ACVR1B: variants seen among roughly 807,000 people sequenced by gnomAD.
ACVR1B encodes the protein activin receptor type-1B.
A neutral mutation model predicts 55.6 loss-of-function variants in ACVR1B; 15 were observed. That is an observed-to-expected ratio of 0.27 (90% CI 0.18 to 0.42). The LOEUF (loss-of-function observed/expected upper bound fraction) is 0.42. Ranked by LOEUF, ACVR1B falls within the 10% of genes least tolerant of loss-of-function variation. The pLI is 1.00. For synonymous variants in ACVR1B, 247 were observed against 254.6 expected, an observed-to-expected ratio of 0.97 and a Z score of 0.28; for missense variants, 359 against 670.1, an observed-to-expected ratio of 0.54 and a Z score of 5.13.
At chr12:51,982,543 G>T in intron 4 of ACVR1B, 1 of 878,546 alleles carries the variant, frequency 1.1e-6, no homozygotes, top group Non-Finnish European at 1.6e-6. Flanking sequence ...CAGAGAGGAT[G>T]CTGTGAGTGG....
intron 3 of ACVR1B, among the ~76,000 whole-genome samples, chr12:51,979,958 C>T (rs904903147): frequency 6.6e-5 from 10 of 151,932 alleles, no homozygotes; most frequent in Non-Finnish European, 1.2e-4. Flanking sequence ...GATGGAGAGG[C>T]GGGGGCTAAT....
In ACVR1B at chr12:51,994,090, C is replaced by CT. The variant is rs1942251335; in HGVS notation, c.1498_1499insT (p.Gln500LeufsTer81). 6.2e-7 allele frequency: 1 copy of CT among 1,613,762 alleles called. No individual in the cohort carries two copies. ...GAAGACCCTCTCCCAGCTCAGCGTG[C>CT]AGGAAGACGTGAAGATCTAACTGCT... is the stretch of plus-strand genomic sequence containing the variant. On this transcript the variant is annotated frameshift_variant, in exon 9 of 9. Coordinates refer to ENST00000257963, the MANE Select transcript of ACVR1B (RefSeq NM_004302.5). LOFTEE classifies it high-confidence loss of function. This position sits in a 1 kb window ranked among gnomAD's most constrained non-coding sequence, Gnocchi z 4.2.
intron 1 of ACVR1B, among the ~76,000 whole-genome samples, 166 bp downstream of exon 1, chr12:51,952,000 C>G (rs1414020403): frequency 6.6e-6 from 1 of 151,922 alleles, no homozygotes; most frequent in Non-Finnish European, 1.5e-5. Flanking sequence ...CTTCCCCGAT[C>G]TCCGAGGCGC....
intron 1 of ACVR1B, among the ~76,000 whole-genome samples, chr12:51,972,049 T>C (rs1200794082): frequency 1.3e-5 from 2 of 152,182 alleles, no homozygotes; most frequent in African/African-American, 2.4e-5. Context: ...TTGTTTTGTT[T>C]TTAGGTTTTA....
chr12:51,994,157 C>T lies in ACVR1B; in HGVS notation c.*47C>T. 2 of 1,604,440 alleles carry T rather than the reference C, an allele frequency of 1.2e-6. No homozygotes were observed. Among genetic ancestry groups the T allele is most frequent in the Non-Finnish European group, 1.7e-6 (2 of 1,178,118 alleles). The stretch of plus-strand genomic sequence containing the variant: ...AGCTCCTGGCAGCGAGAACTACGCA[C>T]AGCTGCCGCGTTGAGCGTACGATGG... On this transcript the variant is annotated 3_prime_UTR_variant, in exon 9 of 9. Transcript: ENST00000257963. The surrounding 1 kb of genome is among the most constrained non-coding windows in gnomAD (Gnocchi z 4.2).
At chr12:51,992,035 T>G (rs1247920778) in intron 8 of ACVR1B, 42 bp downstream of exon 8, 1 of 1,614,108 alleles carries the variant, frequency 6.2e-7, no homozygotes. Context: ...CAGCCTGATT[T>G]CTCCACCTTA....
At position 51,987,118 on chromosome 12, in the gene ACVR1B, ATTC is replaced by A. The variant is rs1281098897; in HGVS notation, c.1261+180_1261+182del. 14 of 831,672 alleles carry A rather than the reference ATTC, an allele frequency of 1.7e-5. No individual in the cohort carries two copies. In the African/African-American group the frequency reaches 2.0e-4, roughly 12 times the overall value. 51.5% of individuals were successfully genotyped at this position (831,672 alleles called of 1,614,324 possible). On this transcript the variant is annotated intron_variant, in intron 7 of 8. Coordinates refer to ENST00000257963, the MANE Select transcript of ACVR1B (RefSeq NM_004302.5). ...AGGTAGCTGTGCTTAGGGTGCGTTT[ATTC>A]TTCAGGGATCAGTTTGTTGAATAGC...
At chr12:51,966,647 C>T (rs933620446) in intron 1 of ACVR1B, among the ~76,000 whole-genome samples, 3 of 152,164 alleles carry the variant, frequency 2.0e-5, no homozygotes, top group South Asian at 2.1e-4. Context: ...CAGGGTCTCA[C>T]TGTGTTGCCC....
At chr12:51,974,945 T>TG (rs940867347) in intron 1 of ACVR1B, among the ~76,000 whole-genome samples, 13 of 152,218 alleles carry the variant, frequency 8.5e-5, no homozygotes, top group Admixed American at 5.9e-4. Flanking sequence ...CTGCATGAAG[T>TG]GGGGGGCAGC....
chr12:51,977,783 ATTTTTT>A (rs748536892), intron 3 of ACVR1B, among the ~76,000 whole-genome samples: 2 of 103,316 alleles, frequency 1.9e-5, no homozygotes, highest in South Asian at 3.1e-4. Context: ...AAGCCTGGCA[ATTTTTT>A]TTTTTTTTTT....
Position 51,984,179 on chromosome 12 carries a change from G to T in ACVR1B, c.979+13G>T. 1.9e-6 allele frequency: 3 copies of T among 1,613,968 alleles called. No individual in the cohort carries two copies. Among genetic ancestry groups the T allele is most frequent in the Non-Finnish European group, 2.5e-6 (3 of 1,180,002 alleles). On this transcript the variant is annotated intron_variant, in intron 5 of 8. Transcript: ENST00000257963. ...GTGGGCACCCAAGGTGAGTGGACTA[G>T]CGCAGGAGCGGCGAAGTGGTGTAGG...
intron 2 of ACVR1B, among the ~76,000 whole-genome samples, 199 bp downstream of exon 2, chr12:51,975,703 G>T (rs570827052): frequency 7.9e-5 from 12 of 152,382 alleles, no homozygotes; most frequent in African/African-American, 2.9e-4. Flanking sequence ...TTTCAAGTTA[G>T]TCCCAGAGGT....
intron 3 of ACVR1B, among the ~76,000 whole-genome samples, chr12:51,980,558 A>C (rs370664917): frequency 1.3e-5 from 2 of 152,308 alleles, no homozygotes; most frequent in East Asian, 3.9e-4. Context: ...CCCCCAGCAC[A>C]TGAGCCCACA....
At chr12:51,965,777 C>T (rs1286028360) in intron 1 of ACVR1B, among the ~76,000 whole-genome samples, 8 of 152,150 alleles carry the variant, frequency 5.3e-5, no homozygotes, top group Admixed American at 4.6e-4. Context: ...TATCCAAACA[C>T]GAACAAGAGA....
At chr12:51,981,805 C>T (rs1407336982) in intron 4 of ACVR1B, among the ~76,000 whole-genome samples, 1 of 151,198 alleles carries the variant, frequency 6.6e-6, no homozygotes, top group Non-Finnish European at 1.5e-5. Context: ...GCTGAGGTCG[C>T]GCCACTGCAC....
chr12:51,986,641 G>A (rs904894071), intron 6 of ACVR1B, among the ~76,000 whole-genome samples, 177 bp from the exon 7 acceptor site: 2 of 152,184 alleles, frequency 1.3e-5, no homozygotes, highest in Non-Finnish European at 2.9e-5. Context: ...GAAGTATTTA[G>A]AATCAAATTT....
intron 1 of ACVR1B, among the ~76,000 whole-genome samples, chr12:51,965,625 A>G (rs1941624615): frequency 6.6e-6 from 1 of 152,204 alleles, no homozygotes; most frequent in Admixed American, 6.5e-5. Flanking sequence ...AGACAGTACC[A>G]TGTGAGATCG....
intron 1 of ACVR1B, among the ~76,000 whole-genome samples, chr12:51,963,527 C>T (rs1311343877): frequency 1.3e-5 from 2 of 152,234 alleles, no homozygotes; most frequent in Non-Finnish European, 2.9e-5. Context: ...CATGAGCCAC[C>T]ACGCCTGGCC....
chr12:51,959,916 T>TG (rs1941485200), intron 1 of ACVR1B: 1 of 138,966 alleles, frequency 7.2e-6, no homozygotes, highest in Non-Finnish European at 1.6e-5. Flanking sequence ...TTTTCTGGGT[T>TG]TTTTTTTTTT....
Sources: allele counts gnomAD v4.1 joint callset (sites outside exome capture counted in the v4.1 genomes callset), GRCh38; gene constraint gnomAD v4.1.1; non-coding constraint Gnocchi (gnomAD v3.1); transcripts MANE v1.5; gene names NCBI Gene and HGNC (gene_info 2026-07-23, HGNC 2026-07-21).